Variants in FBXW4 observed in about 807,000 individuals in gnomAD.
FBXW4 encodes the protein F-box/WD repeat-containing protein 4.
In FBXW4, 40 loss-of-function variants were observed where a neutral mutation model predicts 61.8. The observed-to-expected ratio is 0.65, with a 90% CI of 0.50 to 0.84. FBXW4 has a LOEUF of 0.84. Among genes scored for constraint, FBXW4 ranks in the 40% least tolerant of loss-of-function variants. The probability of loss-of-function intolerance (pLI) is 0.00; values close to 1 mark genes in which losing one functional copy is unlikely to be tolerated. For synonymous variants in FBXW4, 311 were observed against 313.8 expected, an observed-to-expected ratio of 0.99 and a Z score of 0.10; for missense variants, 672 against 753.8, an observed-to-expected ratio of 0.89 and a Z score of 1.27.
intron 6 of FBXW4, among the ~76,000 whole-genome samples, chr10:101,615,973 A>G (rs909412701): frequency 7.2e-5 from 11 of 152,186 alleles, no homozygotes; most frequent in Non-Finnish European, 1.5e-4. Flanking sequence ...CCCACAGCTC[A>G]GCATGTCCGT....
intron 5 of FBXW4, among the ~76,000 whole-genome samples, chr10:101,666,081 G>C (rs2064296857): frequency 6.6e-6 from 1 of 152,144 alleles, no homozygotes; most frequent in Non-Finnish European, 1.5e-5. Context: ...TGGCTAACTG[G>C]CTTTTAAAAG....
chr10:101,648,875 C>A (rs536697747), intron 5 of FBXW4, among the ~76,000 whole-genome samples: 2 of 152,186 alleles, frequency 1.3e-5, no homozygotes, highest in African/African-American at 4.8e-5. Context: ...AGGTTCCCAT[C>A]CCCACCAGAG....
chr10:101,635,341 A>G lies in FBXW4; in HGVS notation c.1236-10531T>C, dbSNP rs2063991891. Among the ~76,000 whole-genome samples, 2 of 151,906 alleles carry G rather than the reference A, an allele frequency of 1.3e-5. 1 individual carries two copies. The highest frequency in any genetic ancestry group is 1.3e-4 in the Admixed American group (2 of 15,262). On this transcript the variant is annotated intron_variant, in intron 5 of 8. Transcript: ENST00000331272. ...GAGTTGTATAATTATTTCATTATAT[A>G]TTACAATATAATAATAATAGAAATA...
chr10:101,663,758 TATACTC>T (rs2064268076), intron 5 of FBXW4, among the ~76,000 whole-genome samples: 1 of 152,094 alleles, frequency 6.6e-6, no homozygotes, highest in Non-Finnish European at 1.5e-5. Flanking sequence ...GCCCCATAAT[TATACTC>T]AGACATATGC....
intron 5 of FBXW4, chr10:101,625,503 G>T (rs897293724): frequency 6.6e-6 from 1 of 152,326 alleles, no homozygotes; most frequent in South Asian, 2.1e-4. Flanking sequence ...AGAGGCACAC[G>T]AGAAGGAGCA....
intron 5 of FBXW4, chr10:101,660,329 G>A: frequency 2.8e-6 from 2 of 703,340 alleles, no homozygotes; most frequent in Non-Finnish European, 1.7e-6. Flanking sequence ...AGTTGGGTTG[G>A]GAGGGGGGGT....
chr10:101,689,423 T>C (rs968678506), intron 1 of FBXW4, among the ~76,000 whole-genome samples: 3 of 152,248 alleles, frequency 2.0e-5, no homozygotes, highest in African/African-American at 4.8e-5. Flanking sequence ...TCCACAGGTG[T>C]ACTGTTTTAT....
intron 4 of FBXW4, among the ~76,000 whole-genome samples, chr10:101,672,251 C>T (rs1160842119): frequency 1.3e-5 from 2 of 152,240 alleles, no homozygotes; most frequent in Non-Finnish European, 2.9e-5. Flanking sequence ...CTGGCTAGGG[C>T]TGTTGGGCAC....
intron 6 of FBXW4, among the ~76,000 whole-genome samples, chr10:101,621,045 T>A (rs1349161242): frequency 1.3e-5 from 2 of 152,186 alleles, no homozygotes; most frequent in Non-Finnish European, 2.9e-5. Context: ...GGCTTGTGTG[T>A]CATCCTGGGC....
At chr10:101,668,414 G>A (rs2064327736) in intron 4 of FBXW4, among the ~76,000 whole-genome samples, 1 of 152,156 alleles carries the variant, frequency 6.6e-6, no homozygotes, top group Admixed American at 6.5e-5. Flanking sequence ...CATAGTATAG[G>A]GGGACAGCAA....
At chr10:101,641,844 A>T (rs2134845930) in intron 5 of FBXW4, among the ~76,000 whole-genome samples, 1 of 151,902 alleles carries the variant, frequency 6.6e-6, no homozygotes, top group African/African-American at 2.4e-5. Flanking sequence ...CTCTATAAAC[A>T]TATCACTGTA....
Position 101,676,334 on chromosome 10 carries a change from T to C in FBXW4, c.821+7A>G. 6.2e-7 allele frequency: 1 copy of C among 1,612,178 alleles called. No homozygotes were observed. Among genetic ancestry groups the C allele is most frequent in the Non-Finnish European group, 8.5e-7 (1 of 1,178,810 alleles). On this transcript the variant is annotated splice_region_variant and intron_variant, in intron 2 of 8. Coordinates refer to ENST00000331272, the MANE Select transcript of FBXW4 (RefSeq NM_022039.4). Reference sequence around the variant, plus strand: ...AGTAGCTTTTAAAAAGTCAAGAGGCTACTTGCCTGCATCTCCACTTCAGCA... The same window carrying C: ...AGTAGCTTTTAAAAAGTCAAGAGGCCACTTGCCTGCATCTCCACTTCAGCA...
chr10:101,692,546 G>C (rs967396234), intron 1 of FBXW4, among the ~76,000 whole-genome samples: 4 of 151,520 alleles, frequency 2.6e-5, no homozygotes, highest in African/African-American at 7.3e-5. Context: ...ACCTGAGGTC[G>C]GCAGTTCGAG....
chr10:101,631,205 A>T (rs1370819366), intron 5 of FBXW4, among the ~76,000 whole-genome samples: 2 of 152,246 alleles, frequency 1.3e-5, no homozygotes, highest in Non-Finnish European at 2.9e-5. Context: ...CAGACAGAAA[A>T]TTTAAATTCA....
intron 5 of FBXW4, among the ~76,000 whole-genome samples, chr10:101,647,008 G>A (rs963009862): frequency 3.3e-5 from 5 of 152,112 alleles, no homozygotes; most frequent in African/African-American, 1.2e-4. Context: ...GTGCAAGCAT[G>A]GCTTCAGTCA....
chr10:101,693,494 T>C (rs1025395139), intron 1 of FBXW4, among the ~76,000 whole-genome samples: 8 of 152,356 alleles, frequency 5.3e-5, no homozygotes, highest in African/African-American at 1.7e-4. Context: ...AGCAATTATA[T>C]GTGCAACTGA....
intron 5 of FBXW4, among the ~76,000 whole-genome samples, chr10:101,650,146 G>A (rs1230396824): frequency 6.6e-6 from 1 of 152,190 alleles, no homozygotes; most frequent in Non-Finnish European, 1.5e-5. Context: ...GCAGCAAGGT[G>A]AGTGGTAAAG....
At chr10:101,662,676 T>A (rs1303669670) in intron 5 of FBXW4, among the ~76,000 whole-genome samples, 2 of 151,918 alleles carry the variant, frequency 1.3e-5, no homozygotes, top group South Asian at 4.2e-4. Flanking sequence ...GCTAAGCACC[T>A]TTTTTTTCTT....
Position 101,694,569 on chromosome 10 carries a change from C to T in FBXW4, c.537G>A (p.Ala179=), listed in dbSNP as rs754822071. The change falls in exon 1 of 9, where the codon GCG becomes GCA. Residue 179 remains alanine (A), a synonymous_variant. Coordinates refer to ENST00000331272, the MANE Select transcript of FBXW4 (RefSeq NM_022039.4). This position sits in a 1 kb window ranked among gnomAD's most constrained non-coding sequence, Gnocchi z 6.0. ...CCGGCAGGCGCCAGAGCGCAGGCCC[C>T]GCGGCCGGGCGGGCAGCCGACTCCC... The part of the protein sequence containing the change: ...AARESAARPA[A]GPALWRLPEE... 1.7e-5 allele frequency: 25 copies of T among 1,471,198 alleles called. 1 individual carries two copies. The South Asian group carries it at 2.1e-4, about 12-fold the overall frequency. The allele number at this position is 1,471,198 out of a possible 1,614,324, so 91.1% of individuals were successfully genotyped here. A position where few individuals can be genotyped will look rare whatever the true frequency, so the allele number is the denominator to read the frequency against.
Sources: gnomAD v4.1 joint callset for allele counts (sites outside exome capture counted in the v4.1 genomes callset) on GRCh38, gnomAD v4.1.1 for gene constraint, Gnocchi (gnomAD v3.1) non-coding constraint, MANE v1.5 for transcripts, NCBI Gene and HGNC (gene_info 2026-07-23, HGNC 2026-07-21) for gene names.